The following NPAS2 variants were observed in gnomAD, a reference collection of about 807,000 sequenced individuals.
NPAS2 encodes the protein neuronal PAS domain-containing protein 2.
NPAS2 carries 23 observed loss-of-function variants against 107.5 expected under a neutral mutation model. The observed-to-expected ratio is 0.21, with a 90% CI of 0.15 to 0.30. NPAS2 has a LOEUF of 0.30. NPAS2 is among the 10% of genes least tolerant of loss of function. The pLI, the probability that NPAS2 is intolerant of heterozygous loss-of-function variation, is 1.00. For missense variants in NPAS2, 756 were observed against 1,043.3 expected, an observed-to-expected ratio of 0.72 and a Z score of 3.79; for synonymous variants, 403 against 417.5, an observed-to-expected ratio of 0.97 and a Z score of 0.42.
At chr2:100,904,925 T>C (rs1474020475) in intron 2 of NPAS2, 139 bp downstream of exon 2, 1 of 670,856 alleles carries the variant, frequency 1.5e-6, no homozygotes, top group East Asian at 2.5e-5. Context: ...CTCTGTGACA[T>C]ATTGCAGTGC....
intron 2 of NPAS2, among the ~76,000 whole-genome samples, chr2:100,907,489 A>AACACACACACAC (rs55951417): frequency 3.0e-4 from 43 of 144,780 alleles, no homozygotes; most frequent in East Asian, 1.0e-3. Flanking sequence ...AACACTTGGG[A>AACACACACACAC]ACACACACAC....
chr2:100,893,271 A>G (rs1558847458), intron 1 of NPAS2, among the ~76,000 whole-genome samples: 4 of 152,344 alleles, frequency 2.6e-5, no homozygotes, highest in African/African-American at 9.6e-5. Flanking sequence ...TCCCCTCACC[A>G]GGGACTGGCT....
At chr2:100,861,416 G>A (rs1000470915) in intron 1 of NPAS2, among the ~76,000 whole-genome samples, 9 of 152,164 alleles carry the variant, frequency 5.9e-5, no homozygotes, top group African/African-American at 2.2e-4. Context: ...AGCTGGAACC[G>A]ACAGAATTGT....
chr2:100,985,370 A>G (rs370858173), intron 16 of NPAS2: 95 of 152,778 alleles, frequency 6.2e-4, no homozygotes, highest in African/African-American at 2.2e-3. Context: ...TCTGACAGAC[A>G]CCCTTTATTT....
intron 12 of NPAS2, among the ~76,000 whole-genome samples, chr2:100,973,665 C>T (rs545328723): frequency 3.9e-5 from 6 of 152,284 alleles, no homozygotes; most frequent in South Asian, 2.1e-4. Flanking sequence ...AAAACGGCCA[C>T]GCAGACGCAC....
intron 1 of NPAS2, among the ~76,000 whole-genome samples, chr2:100,837,599 C>G (rs1325586609): frequency 1.3e-5 from 2 of 152,188 alleles, no homozygotes; most frequent in Non-Finnish European, 2.9e-5. Flanking sequence ...AGGCATGAGC[C>G]ACCGCACCTG....
At chr2:100,973,342 C>T (rs1476081785) in intron 12 of NPAS2, among the ~76,000 whole-genome samples, 3 of 152,192 alleles carry the variant, frequency 2.0e-5, no homozygotes, top group Admixed American at 1.3e-4. Context: ...CGTGTGTGGA[C>T]GTGATGTGCA....
intron 2 of NPAS2, among the ~76,000 whole-genome samples, chr2:100,921,711 C>T (rs995189984): frequency 2.0e-5 from 3 of 152,120 alleles, no homozygotes; most frequent in Non-Finnish European, 2.9e-5. Flanking sequence ...AAATCCAAGC[C>T]GCAGTAAGGT....
In NPAS2 at chr2:100,949,458, A is replaced by C. The variant is rs377280122; in HGVS notation, c.576A>C (p.Gly192=). Residue 192 remains glycine (G), a synonymous_variant, in exon 7 of 21, where the codon GGA becomes GGC. Coordinates refer to ENST00000335681, the MANE Select transcript of NPAS2 (RefSeq NM_002518.4). ...CTTATGAATACATAAAATTTGTAGG[A>C]AATTTTCGCTCTTACAACAATGGTA... ...FPTYEYIKFV[G]NFRSYNNVPS... 1.1e-5 allele frequency: 17 copies of C among 1,604,324 alleles called. No individual in the cohort carries two copies. The highest frequency in any genetic ancestry group is 1.5e-5 in the Non-Finnish European group (17 of 1,171,324).
chr2:100,993,507 C>T lies in NPAS2; in HGVS notation c.2272C>T (p.Pro758Ser). ...PLQPAQARQQ[P>S]PQHYLQVQAP... ...GCAGCCTGCACAGGCCCGGCAGCAG[C>T]CACCGCAGCACTACCTGCAGGTGGG... The change falls in exon 20 of 21, where the codon CCA (proline) becomes TCA (serine). Residue 758 changes from proline to serine, a missense_variant. Physicochemically the swap from Pro to Ser is moderately conservative, Grantham distance 74 (BLOSUM62 -1). This residue lies in a region of NPAS2 where 496 missense variants were observed against 594.4 expected (regional missense o/e 0.83). Transcript: ENST00000335681. 1.9e-6 allele frequency: 3 copies of T among 1,585,426 alleles called. No homozygotes were observed. The highest frequency in any genetic ancestry group is 2.6e-6 in the Non-Finnish European group (3 of 1,165,868).
chr2:100,903,724 C>T (rs1345359943), intron 1 of NPAS2, among the ~76,000 whole-genome samples: 2 of 152,160 alleles, frequency 1.3e-5, no homozygotes, highest in African/African-American at 4.8e-5. Flanking sequence ...CCCTCCCAGC[C>T]ACCGCAGCCT....
intron 1 of NPAS2, among the ~76,000 whole-genome samples, chr2:100,902,218 G>A (rs892130790): frequency 6.6e-6 from 1 of 152,084 alleles, no homozygotes; most frequent in East Asian, 1.9e-4. Context: ...TTCCTTGTTT[G>A]CCTTCAAGCT....
chr2:100,947,197 C>T (rs1674951388), intron 5 of NPAS2, among the ~76,000 whole-genome samples: 2 of 152,174 alleles, frequency 1.3e-5, no homozygotes, highest in African/African-American at 4.8e-5. Context: ...CCACTGTGAG[C>T]TCCTACCTGC....
Position 100,947,507 on chromosome 2 carries a change from ACAC to A in NPAS2, c.364-725_364-723del, listed in dbSNP as rs1674971453. 2.0e-5 allele frequency among the ~76,000 whole-genome samples: 3 copies of A among 151,158 alleles called. No individual in the cohort carries two copies. The South Asian group carries it at 6.3e-4, about 32-fold the overall frequency. On this transcript the variant is annotated intron_variant, in intron 5 of 20. Coordinates refer to ENST00000335681, the MANE Select transcript of NPAS2 (RefSeq NM_002518.4). ...TGGAGGCTGGCAGTGAGCCGAGATC[ACAC>A]CATTGCACTCCAGCCTGGGCAACAA...
chr2:100,977,048 AAAAACCACTAG>A (rs1432367769), intron 14 of NPAS2: 1 of 152,118 alleles, frequency 6.6e-6, no homozygotes, highest in Non-Finnish European at 1.5e-5. Flanking sequence ...TAAAAAAAAA[AAAAACCACTAG>A]AAAACCACTA....
Position 100,918,380 on chromosome 2 carries a change from G to A in NPAS2, c.33-6766G>A, listed in dbSNP as rs182975001. Among the ~76,000 whole-genome samples, 292 of 152,182 alleles carry A rather than the reference G, an allele frequency of 1.9e-3. 2 individuals are homozygous for A. Among genetic ancestry groups the A allele is most frequent in the African/African-American group, 6.8e-3 (284 of 41,538 alleles). ...AGACCTAACACCAAAAGTACAACTC[G>A]TAAGAGAAAAAATTGTTAAACCTGG... On this transcript the variant is annotated intron_variant, in intron 2 of 20. Coordinates refer to ENST00000335681, the MANE Select transcript of NPAS2 (RefSeq NM_002518.4).
At chr2:100,922,732 T>C (rs942957122) in intron 2 of NPAS2, among the ~76,000 whole-genome samples, 1 of 152,170 alleles carries the variant, frequency 6.6e-6, no homozygotes, top group Admixed American at 6.5e-5. Flanking sequence ...TTCTTTCTCT[T>C]GCCTGATAGC....
chr2:100,961,559 G>A (rs1327839408), intron 7 of NPAS2, among the ~76,000 whole-genome samples: 2 of 152,158 alleles, frequency 1.3e-5, no homozygotes, highest in Non-Finnish European at 2.9e-5. Flanking sequence ...CTTCCTTTTG[G>A]GGGGTGCATT....
chr2:100,905,822 C>G (rs1682114659), intron 2 of NPAS2, among the ~76,000 whole-genome samples: 1 of 152,180 alleles, frequency 6.6e-6, no homozygotes, highest in African/African-American at 2.4e-5. Flanking sequence ...TGGTAGTGCC[C>G]TCAGGTACCA....
Sources: allele counts gnomAD v4.1 joint callset (sites outside exome capture counted in the v4.1 genomes callset), GRCh38; gene constraint gnomAD v4.1.1; regional missense constraint gnomAD v4.1.1; transcripts MANE v1.5; gene names NCBI Gene and HGNC (gene_info 2026-07-23, HGNC 2026-07-21).